Variants in IL23R observed in about 807,000 individuals in gnomAD.
The protein encoded by IL23R is interleukin-23 receptor.
Under a neutral mutation model 56.9 loss-of-function variants are expected in IL23R, and 34 were observed. The observed-to-expected ratio is 0.60, with a 90% CI of 0.45 to 0.80. The LOEUF (loss-of-function observed/expected upper bound fraction) is 0.80, where lower values mean the gene tolerates loss of function less well. Ranked by LOEUF, IL23R falls within the 30% of genes least tolerant of loss-of-function variation. The pLI is 0.00. For missense variants in IL23R, 635 were observed against 730.0 expected, an observed-to-expected ratio of 0.87 and a Z score of 1.50; for synonymous variants, 230 against 249.2, an observed-to-expected ratio of 0.92 and a Z score of 0.73.
intron 2 of IL23R, among the ~76,000 whole-genome samples, chr1:67,169,138 C>CAA (rs5774855): frequency 1.1e-3 from 93 of 81,204 alleles, no homozygotes; most frequent in African/African-American, 2.0e-3. Flanking sequence ...GAGACTGTCT[C>CAA]AAAAAAAAAA....
intron 7 of IL23R, among the ~76,000 whole-genome samples, chr1:67,236,265 G>A (rs1255149838): frequency 2.0e-5 from 3 of 152,220 alleles, no homozygotes; most frequent in African/African-American, 7.2e-5. Flanking sequence ...GCCAGGAGAA[G>A]GTGAACAGCA....
chr1:67,199,452 C>G (rs1648441265), intron 4 of IL23R, among the ~76,000 whole-genome samples: 1 of 152,112 alleles, frequency 6.6e-6, no homozygotes, highest in East Asian at 1.9e-4. Flanking sequence ...ATGCAGTGCT[C>G]TTTTCCAAAG....
intron 1 of IL23R, among the ~76,000 whole-genome samples, chr1:67,150,445 C>T (rs1444200653): frequency 2.0e-5 from 3 of 151,660 alleles, no homozygotes; most frequent in Admixed American, 6.6e-5. Flanking sequence ...TGACAGGTCC[C>T]GGTGTGTGTT....
At chr1:67,207,642 A>G (rs1420261678) in intron 6 of IL23R, 9 of 402,586 alleles carry the variant, frequency 2.2e-5, no homozygotes, top group Non-Finnish European at 4.4e-5. Flanking sequence ...ACCACTAAGT[A>G]AGAAGAGCCT....
At chr1:67,232,129 A>C (rs1651139754) in intron 7 of IL23R, among the ~76,000 whole-genome samples, 1 of 152,212 alleles carries the variant, frequency 6.6e-6, no homozygotes, top group Non-Finnish European at 1.5e-5. Context: ...TTTAAATAAT[A>C]GTTTCTAGTT....
intron 2 of IL23R, among the ~76,000 whole-genome samples, chr1:67,168,684 T>A (rs1300615984): frequency 6.6e-6 from 1 of 152,204 alleles, no homozygotes; most frequent in Non-Finnish European, 1.5e-5. Context: ...AGCTAGAGAA[T>A]GGGGTTCAGA....
chr1:67,253,148 A>G (rs571890557), intron 9 of IL23R, among the ~76,000 whole-genome samples: 1 of 152,280 alleles, frequency 6.6e-6, no homozygotes, highest in South Asian at 2.1e-4. Flanking sequence ...GTGTGAAGGG[A>G]AGTGTGACAA....
At chr1:67,259,965 G>GAAAAAAAAA (rs372460431) in exon 11 of IL23R, 7 of 76,068 alleles carry the variant, frequency 9.2e-5, no homozygotes, top group East Asian at 6.3e-4. Flanking sequence ...ACTCTGTCTG[G>GAAAAAAAAA]AAAAAAAAAA....
intron 7 of IL23R, among the ~76,000 whole-genome samples, chr1:67,236,069 A>G (rs765735976): frequency 2.0e-4 from 30 of 152,192 alleles, no homozygotes; most frequent in Non-Finnish European, 3.7e-4. Flanking sequence ...TCAGACTGAA[A>G]GTTAGGTACC....
downstream of IL23R, among the ~76,000 whole-genome samples, chr1:67,260,625 G>A: frequency 6.6e-6 from 1 of 152,244 alleles, no homozygotes; most frequent in South Asian, 2.1e-4. Flanking sequence ...ATGGAAAAGT[G>A]GTTGATCTTT....
At chr1:67,167,931 T>A (rs925267963) in intron 1 of IL23R, among the ~76,000 whole-genome samples, 161 bp from the exon 2 acceptor site, 4 of 151,286 alleles carry the variant, frequency 2.6e-5, no homozygotes, top group African/African-American at 9.8e-5. Flanking sequence ...GTAACATTTC[T>A]TTGCTCTGTT....
chr1:67,188,784 C>A (rs1345875187), intron 4 of IL23R, among the ~76,000 whole-genome samples: 1 of 152,074 alleles, frequency 6.6e-6, no homozygotes, highest in African/African-American at 2.4e-5. Context: ...CCAGGCAGCT[C>A]CCTTCAACCT....
chr1:67,143,072 C>A (rs1646652476), intron 1 of IL23R, among the ~76,000 whole-genome samples: 1 of 151,856 alleles, frequency 6.6e-6, no homozygotes, highest in Admixed American at 6.6e-5. Context: ...CATTTCGAAG[C>A]CCAAGATCTT....
intron 1 of IL23R, among the ~76,000 whole-genome samples, chr1:67,146,336 T>C (rs1415111066): frequency 6.6e-6 from 1 of 151,970 alleles, no homozygotes; most frequent in East Asian, 1.9e-4. Context: ...GTACCTGATG[T>C]TGAGGGTGCA....
intron 1 of IL23R, 57 bp from the exon 2 acceptor site, chr1:67,168,034 CT>C: frequency 4.1e-6 from 4 of 965,672 alleles, no homozygotes; most frequent in East Asian, 2.6e-5. Flanking sequence ...AAATGTTATG[CT>C]TTTTATTATT....
rs554746696 is a variant in IL23R, at chr1:67,147,720, T to C, written c.-634+8559T>C. ...TCTGTCAAAAAAAAAATAAAAAGAT[T>C]GTAGGGGCTAACTAGTTCTCTCGTA... On this transcript the variant is annotated intron_variant, in intron 1 of 10. Transcript: ENST00000637002. Among the ~76,000 whole-genome samples, 5 of 152,074 alleles carry C rather than the reference T, an allele frequency of 3.3e-5. No homozygotes were observed. The South Asian group carries it at 1.0e-3, about 32-fold the overall frequency.
chr1:67,173,234 C>G (rs767810715), intron 3 of IL23R, among the ~76,000 whole-genome samples: 60 of 152,200 alleles, frequency 3.9e-4, no homozygotes, highest in Admixed American at 1.2e-3. Context: ...TAAGCATACT[C>G]ACAGGCCCAT....
chr1:67,182,086 C>T (rs1268696088), intron 3 of IL23R, among the ~76,000 whole-genome samples: 6 of 152,186 alleles, frequency 3.9e-5, no homozygotes, highest in Non-Finnish European at 5.9e-5. Flanking sequence ...GTCAGGGACC[C>T]ACTTGAGGAG....
At chr1:67,191,783 A>T (rs943623339) in intron 4 of IL23R, among the ~76,000 whole-genome samples, 1 of 152,108 alleles carries the variant, frequency 6.6e-6, no homozygotes, top group African/African-American at 2.4e-5. Context: ...TCTTTATCTT[A>T]CTTATGAAAC....
Sources: gnomAD v4.1 joint callset for allele counts (sites outside exome capture counted in the v4.1 genomes callset) on GRCh38, gnomAD v4.1.1 for gene constraint, MANE v1.5 for transcripts, NCBI Gene and HGNC (gene_info 2026-07-23, HGNC 2026-07-21) for gene names.